ZNF461: variants seen among roughly 807,000 people sequenced by gnomAD.
ZNF461 encodes the protein gonadotropin-inducible ovarian transcription factor-1.
A neutral mutation model predicts 18.3 loss-of-function variants in ZNF461; 16 were observed. That is an observed-to-expected ratio of 0.88 (90% CI 0.59 to 1.33). The LOEUF (loss-of-function observed/expected upper bound fraction) is 1.33, where lower values mean the gene tolerates loss of function less well. Among genes scored for constraint, ZNF461 ranks in the 40% most tolerant of loss-of-function variants. The pLI, the probability that ZNF461 is intolerant of heterozygous loss-of-function variation, is 0.00. For synonymous variants in ZNF461, 179 were observed against 216.9 expected (o/e 0.83, Z 1.54); for missense variants, 595 against 669.9 (o/e 0.89, Z 1.23).
chr19:36,641,956 G>A, intron 5 of ZNF461, among the ~76,000 whole-genome samples: 1 of 152,044 alleles, frequency 6.6e-6, no homozygotes, highest in East Asian at 1.9e-4. Context: ...GTCATGCTCT[G>A]TCACCCAGGC....
chr19:36,660,786 G>A (rs761994657), intron 2 of ZNF461, among the ~76,000 whole-genome samples: 1 of 151,148 alleles, frequency 6.6e-6, no homozygotes, highest in South Asian at 2.1e-4. Flanking sequence ...TTCTTCAGGT[G>A]GAAAAAAATT....
At chr19:36,656,252 T>C (rs1282961585) in intron 4 of ZNF461, among the ~76,000 whole-genome samples, 196 bp downstream of exon 4, 1 of 152,314 alleles carries the variant, frequency 6.6e-6, no homozygotes, top group African/African-American at 2.4e-5. Context: ...CCCAAAGTGC[T>C]GGGATTACAG....
In ZNF461 at chr19:36,638,774, G is replaced by A. The variant is rs749649359; in HGVS notation, c.1571C>T (p.Pro524Leu). The change falls in exon 6 of 6, where the codon CCT (proline) becomes CTT (leucine). Residue 524 changes from proline (P) to leucine (L), a missense_variant. Coordinates refer to ENST00000588268, the MANE Select transcript of ZNF461 (RefSeq NM_153257.5). Reference sequence around the variant, plus strand: ...ATTAAACGCCTTCCCGCATTGATAAGGTTTCTTTCCAGAATGAATTCTCTG... The same window carrying A: ...ATTAAACGCCTTCCCGCATTGATAAAGTTTCTTTCCAGAATGAATTCTCTG... ...HHQRIHSGKK[P>L]YQCGKAFNHR... 1.2e-6 allele frequency: 2 copies of A among 1,614,150 alleles called. No individual in the cohort carries two copies.
Position 36,664,326 on chromosome 19 carries a change from G to A in ZNF461, c.9+372C>T, listed in dbSNP as rs187464447. Among the ~76,000 whole-genome samples, 772 of 152,278 alleles carry A rather than the reference G, an allele frequency of 5.1e-3. 6 individuals are homozygous for A. The highest frequency in any genetic ancestry group is 0.015 in the South Asian group (74 of 4,824). On this transcript the variant is annotated intron_variant, in intron 2 of 5. Transcript: ENST00000588268. ...ATGCAGGCCAGGCGCAGGGGCTCATGCCTGTAATCCCAGCACTTCGGGAAG... is the reference window on the plus strand; with the variant it reads ...ATGCAGGCCAGGCGCAGGGGCTCATACCTGTAATCCCAGCACTTCGGGAAG...
At chr19:36,666,385 C>A (rs958432426) in intron 1 of ZNF461, among the ~76,000 whole-genome samples, 4 of 152,208 alleles carry the variant, frequency 2.6e-5, no homozygotes, top group Admixed American at 6.5e-5. Flanking sequence ...TGAGCCACCG[C>A]TCCCGGCCTG....
intron 4 of ZNF461, among the ~76,000 whole-genome samples, chr19:36,654,088 A>G (rs2037675311): frequency 6.6e-6 from 1 of 152,176 alleles, no homozygotes; most frequent in Non-Finnish European, 1.5e-5. Context: ...GGGGGTACAC[A>G]GGACTCCCCT....
At chr19:36,658,051 C>T in intron 3 of ZNF461, 1 of 454,198 alleles carries the variant, frequency 2.2e-6, no homozygotes, top group Non-Finnish European at 3.9e-6. Context: ...ATTTCCAATT[C>T]TGCCCCTTAA....
intron 4 of ZNF461, among the ~76,000 whole-genome samples, chr19:36,647,192 T>C (rs1436431488): frequency 6.6e-6 from 1 of 152,202 alleles, no homozygotes; most frequent in Non-Finnish European, 1.5e-5. Context: ...CAGAGTGAAA[T>C]TGCTGCATCA....
intron 4 of ZNF461, among the ~76,000 whole-genome samples, chr19:36,646,637 C>G (rs2037533297): frequency 6.6e-6 from 1 of 152,122 alleles, no homozygotes; most frequent in Non-Finnish European, 1.5e-5. Flanking sequence ...TGTTACAAAA[C>G]AGGTACCACA....
intron 4 of ZNF461, among the ~76,000 whole-genome samples, chr19:36,648,625 G>A (rs1027808194): frequency 6.6e-6 from 1 of 152,074 alleles, no homozygotes; most frequent in African/African-American, 2.4e-5. Context: ...TGTCACTCAG[G>A]CTGGAGTACA....
Position 36,639,467 on chromosome 19 carries a change from C to T in ZNF461, c.878G>A (p.Arg293Lys). Residue 293 changes from arginine (R) to lysine (K), a missense_variant, in exon 6 of 6, where the codon AGA (arginine) becomes AAA (lysine). Coordinates refer to ENST00000588268, the MANE Select transcript of ZNF461 (RefSeq NM_153257.5). ...NYGSELTLHQRIHTGEKPYEC... is the reference protein window; with the variant it reads ...NYGSELTLHQKIHTGEKPYEC... ...ATAAGGTTTCTCACCAGTGTGAATT[C>T]TTTGATGTAGAGTAAGTTCTGAGCC... is the stretch of plus-strand genomic sequence containing the variant. 2 of 1,613,828 alleles carry T rather than the reference C, an allele frequency of 1.2e-6. No individual in the cohort carries two copies. The highest frequency in any genetic ancestry group is 1.7e-6 in the Non-Finnish European group (2 of 1,179,932).
At position 36,638,779 on chromosome 19, in the gene ZNF461, C is replaced by G; in HGVS notation, c.1566G>C (p.Lys522Asn). The G allele has an allele frequency of 6.2e-7, 1 of 1,614,158 alleles. No homozygotes were observed. Among genetic ancestry groups the G allele is most frequent in the Non-Finnish European group, 8.5e-7 (1 of 1,180,024 alleles). ...FSHHQRIHSG[K>N]KPYQCGKAFN... ...ACGCCTTCCCGCATTGATAAGGTTT[C>G]TTTCCAGAATGAATTCTCTGATGGT... Residue 522 changes from lysine (K) to asparagine (N), a missense_variant, in exon 6 of 6, where the codon AAG becomes AAC. Physicochemically the swap from Lys to Asn is moderately conservative, Grantham distance 94. Transcript: ENST00000588268.
At chr19:36,643,099 C>T (rs1226682167) in intron 5 of ZNF461, among the ~76,000 whole-genome samples, 1 of 152,090 alleles carries the variant, frequency 6.6e-6, no homozygotes, top group Non-Finnish European at 1.5e-5. Context: ...CCACTACACT[C>T]ATACACATAC....
In ZNF461 at chr19:36,639,098, T is replaced by C. The variant is rs2037360057; in HGVS notation, c.1247A>G (p.His416Arg). 5 of 1,613,020 alleles carry C rather than the reference T, an allele frequency of 3.1e-6. No individual in the cohort carries two copies. Among genetic ancestry groups the C allele is most frequent in the Non-Finnish European group, 4.2e-6 (5 of 1,179,828 alleles). ...IHSGKKPYEC[H>R]ECGKAFCDGL... ...ATCACAAAAAGCCTTCCCACATTCATGACATTCATAAGGTTTCTTGCCAGA... is the reference window on the plus strand; with the variant it reads ...ATCACAAAAAGCCTTCCCACATTCACGACATTCATAAGGTTTCTTGCCAGA... The change falls in exon 6 of 6, where the codon CAT (histidine) becomes CGT (arginine). Residue 416 changes from histidine to arginine, a missense_variant. His to Arg is a conservative substitution (Grantham distance 29). Coordinates refer to ENST00000588268, the MANE Select transcript of ZNF461 (RefSeq NM_153257.5).
At chr19:36,664,830 T>A in intron 1 of ZNF461, 44 bp from the exon 2 acceptor site, 1 of 641,078 alleles carries the variant, frequency 1.6e-6, no homozygotes, top group Non-Finnish European at 2.5e-6. Context: ...GATTATTGCC[T>A]CTAAGCTCCC....
At chr19:36,655,674 T>C (rs540691931) in intron 4 of ZNF461, among the ~76,000 whole-genome samples, 181 of 152,338 alleles carry the variant, frequency 1.2e-3, no homozygotes, top group Non-Finnish European at 1.6e-3. Flanking sequence ...TTAGGTTTGA[T>C]GTAGTCCCAT....
chr19:36,665,640 C>T (rs2145424542), intron 1 of ZNF461, among the ~76,000 whole-genome samples: 1 of 134,430 alleles, frequency 7.4e-6, no homozygotes, highest in South Asian at 2.4e-4. Context: ...AACCCGAAGG[C>T]GGAGGTTGCA....
rs1331054149 is a variant in ZNF461 at position 36,636,806 on chromosome 19, AAACTT to A, written c.*1842_*1846del. 6.6e-6 allele frequency among the ~76,000 whole-genome samples: 1 copy of A among 152,242 alleles called. No homozygotes were observed. Among genetic ancestry groups the A allele is most frequent in the Non-Finnish European group, 1.5e-5 (1 of 68,042 alleles). On this transcript the variant is annotated 3_prime_UTR_variant, in exon 6 of 6. Coordinates refer to ENST00000588268, the MANE Select transcript of ZNF461 (RefSeq NM_153257.5). ...CATTTTCTTTGTGCTGAAGCAGCAT[AAACTT>A]AACTACTGATTTATTCTTTTACTTA... is the stretch of plus-strand genomic sequence containing the variant.
chr19:36,657,106 C>T (rs1381927206), intron 3 of ZNF461, among the ~76,000 whole-genome samples: 7 of 151,924 alleles, frequency 4.6e-5, no homozygotes, highest in Non-Finnish European at 1.0e-4. Context: ...AGGCATGAGC[C>T]ACAGCACCCA....
Sources: allele counts gnomAD v4.1 joint callset (sites outside exome capture counted in the v4.1 genomes callset), GRCh38; gene constraint gnomAD v4.1.1; transcripts MANE v1.5; gene names NCBI Gene and HGNC (gene_info 2026-07-23, HGNC 2026-07-21).